GPR19: variants seen among roughly 807,000 people sequenced by gnomAD.
GPR19 encodes probable G protein-coupled receptor 19.
GPR19 carries 14 observed loss-of-function variants against 28.5 expected under a neutral mutation model. The ratio of observed to expected loss-of-function variants is 0.49; its 90% confidence interval spans 0.32 to 0.77. GPR19 has a LOEUF of 0.77. GPR19 is among the 30% of genes least tolerant of loss of function. The pLI, the probability that GPR19 is intolerant of heterozygous loss-of-function variation, is 0.03. For missense variants in GPR19, 409 were observed against 504.1 expected (o/e 0.81, Z 1.81); for synonymous variants, 173 against 184.1 (o/e 0.94, Z 0.49).
intron 3 of GPR19, among the ~76,000 whole-genome samples, chr12:12,667,034 A>C (rs1423489996): frequency 6.6e-6 from 1 of 152,174 alleles, no homozygotes; most frequent in African/African-American, 2.4e-5. Context: ...TCCCAAAGTA[A>C]AGTTTCAGAA....
chr12:12,710,839 C>T, the GPR19 span, among the ~76,000 whole-genome samples: 2 of 152,172 alleles, frequency 1.3e-5, no homozygotes, highest in African/African-American at 4.8e-5. Flanking sequence ...CTGTGCCTGG[C>T]CTTCTGTAGC....
In GPR19 at chr12:12,662,097, T is replaced by G; in HGVS notation, c.352A>C (p.Ser118Arg). 2 of 1,614,220 alleles carry G rather than the reference T, an allele frequency of 1.2e-6. No homozygotes were observed. The highest frequency in any genetic ancestry group is 1.7e-6 in the Non-Finnish European group (2 of 1,180,032). The stretch of plus-strand genomic sequence containing the variant: ...AACTGGAGCAGGACGAAAGGCGTGC[T>G]GGCAACGCTGATGAGAAGGTCAGCA... Reference protein sequence around the residue: ...ACADLLISVASTPFVLLQFTT... With the variant: ...ACADLLISVARTPFVLLQFTT... The change falls in exon 4 of 4, where the codon AGC becomes CGC. Residue 118 changes from serine to arginine, a missense_variant. Coordinates refer to ENST00000651487, the MANE Select transcript of GPR19 (RefSeq NM_006143.3).
chr12:12,668,730 C>T (rs1945816207), intron 3 of GPR19, among the ~76,000 whole-genome samples: 1 of 150,952 alleles, frequency 6.6e-6, no homozygotes, highest in Admixed American at 6.6e-5. Context: ...TCTGCTGGAC[C>T]TACATGGATA....
chr12:12,683,399 AT>A (rs1457381362), intron 3 of GPR19, among the ~76,000 whole-genome samples: 1 of 152,254 alleles, frequency 6.6e-6, no homozygotes, highest in East Asian at 1.9e-4. Context: ...TTGAAATAAT[AT>A]GAGCAGGCAA....
the GPR19 span, among the ~76,000 whole-genome samples, chr12:12,704,791 A>G: frequency 6.6e-6 from 1 of 152,144 alleles, no homozygotes; most frequent in South Asian, 2.1e-4. Flanking sequence ...TTCCTGCTTC[A>G]TGAATGTTCC....
intron 3 of GPR19, among the ~76,000 whole-genome samples, chr12:12,666,270 G>C (rs1005399862): frequency 2.0e-5 from 3 of 152,142 alleles, no homozygotes; most frequent in African/African-American, 7.2e-5. Flanking sequence ...GGTTATATTT[G>C]CTGCATTCAT....
At chr12:12,709,502 A>G in the GPR19 span, among the ~76,000 whole-genome samples, 1 of 152,198 alleles carries the variant, frequency 6.6e-6, no homozygotes, top group East Asian at 1.9e-4. Context: ...GTGCAGTGGC[A>G]TGAACAGGGC....
At chr12:12,708,635 G>T in the GPR19 span, among the ~76,000 whole-genome samples, 1 of 138,200 alleles carries the variant, frequency 7.2e-6, no homozygotes, top group Non-Finnish European at 1.6e-5. Context: ...CTCTTTTGTG[G>T]CTTTGGAACA....
intron 3 of GPR19, among the ~76,000 whole-genome samples, chr12:12,664,933 AAAAAAAAAAAAAAG>A (rs1255411897): frequency 1.4e-5 from 2 of 147,088 alleles, no homozygotes; most frequent in Non-Finnish European, 3.0e-5. Flanking sequence ...AAAAAAAAAA[AAAAAAAAAAAAAAG>A]AAATCAGGAC....
upstream of GPR19, among the ~76,000 whole-genome samples, chr12:12,700,757 T>TA (rs1324492822): frequency 3.9e-5 from 6 of 152,238 alleles, no homozygotes; most frequent in Non-Finnish European, 5.9e-5. Flanking sequence ...TTAGATGTGA[T>TA]AGTCCAAATT....
upstream of GPR19, among the ~76,000 whole-genome samples, chr12:12,698,978 G>A (rs1248036521): frequency 1.3e-5 from 2 of 152,124 alleles, no homozygotes; most frequent in African/African-American, 4.8e-5. Flanking sequence ...ATAGGGAATA[G>A]GGAAGATGAA....
intron 3 of GPR19, among the ~76,000 whole-genome samples, chr12:12,682,001 T>C (rs1054838198): frequency 1.3e-5 from 2 of 152,214 alleles, no homozygotes; most frequent in African/African-American, 4.8e-5. Flanking sequence ...CCTGTGAGCT[T>C]TCTATACAGA....
chr12:12,682,278 C>T (rs564300856), intron 3 of GPR19, among the ~76,000 whole-genome samples: 1 of 152,276 alleles, frequency 6.6e-6, no homozygotes, highest in East Asian at 1.9e-4. Flanking sequence ...ACTTTCTAAA[C>T]TGTAATTTGT....
the GPR19 span, chr12:12,703,336 T>C: frequency 1.0e-6 from 1 of 970,714 alleles, no homozygotes; most frequent in Non-Finnish European, 1.2e-6. Flanking sequence ...AGACACAGTC[T>C]CACTTTTTAC....
intron 3 of GPR19, among the ~76,000 whole-genome samples, chr12:12,671,126 C>A (rs1036515432): frequency 2.0e-5 from 3 of 151,366 alleles, no homozygotes; most frequent in Admixed American, 2.0e-4. Context: ...TGGTGAAACC[C>A]CATCTCTACT....
At position 12,661,464 on chromosome 12, in the gene GPR19, G is replaced by C. The variant is rs1427975807; in HGVS notation, c.985C>G (p.Leu329Val). Reference sequence around the variant, plus strand: ...AAATTGGCATTATAAATTGAATACAGAGTAGGTTTAGAGGCTGAAGAACTA... The same window carrying C: ...AAATTGGCATTATAAATTGAATACACAGTAGGTTTAGAGGCTGAAGAACTA... ...SFSSSASKPT[L>V]YSIYNANFRR... is the part of the protein sequence containing the mutation. Residue 329 changes from leucine (L) to valine (V), a missense_variant, in exon 4 of 4, where the codon CTG becomes GTG. By Grantham distance (32) the Leu-to-Val change is conservative. Coordinates refer to ENST00000651487, the MANE Select transcript of GPR19 (RefSeq NM_006143.3). This position sits in a 1 kb window ranked among gnomAD's most constrained non-coding sequence, Gnocchi z 4.2. 2 of 1,613,720 alleles carry C rather than the reference G, an allele frequency of 1.2e-6. No individual in the cohort carries two copies.
At chr12:12,702,857 TTTCAC>T in the GPR19 span, among the ~76,000 whole-genome samples, 1 of 152,334 alleles carries the variant, frequency 6.6e-6, no homozygotes, top group African/African-American at 2.4e-5. Context: ...GTTCTGGTCT[TTTCAC>T]TTGGATGTAC....
chr12:12,704,306 A>G, the GPR19 span, among the ~76,000 whole-genome samples: 3 of 152,226 alleles, frequency 2.0e-5, no homozygotes, highest in Non-Finnish European at 4.4e-5. Context: ...GTTTGAGGCC[A>G]GCCTGGCCAA....
chr12:12,664,748 G>A (rs1295828625), intron 3 of GPR19, among the ~76,000 whole-genome samples: 3 of 151,568 alleles, frequency 2.0e-5, no homozygotes, highest in Non-Finnish European at 2.9e-5. Flanking sequence ...GTGAAACCCC[G>A]TCTCTACTAA....
Sources: allele counts gnomAD v4.1 joint callset (sites outside exome capture counted in the v4.1 genomes callset), GRCh38; gene constraint gnomAD v4.1.1; non-coding constraint Gnocchi (gnomAD v3.1); transcripts MANE v1.5; gene names NCBI Gene and HGNC (gene_info 2026-07-23, HGNC 2026-07-21).